The following GALNT13 variants were observed in gnomAD, a reference collection of about 807,000 sequenced individuals.
GALNT13 encodes the protein UDP-GalNAc:polypeptide N-acetylgalactosaminyltransferase 13.
Under a neutral mutation model 64.2 loss-of-function variants are expected in GALNT13, and 28 were observed. The observed-to-expected ratio is 0.44, with a 90% CI of 0.32 to 0.60. GALNT13 has a LOEUF of 0.60. GALNT13 is among the 20% of genes least tolerant of loss of function. GALNT13 has a pLI of 0.05. For missense variants in GALNT13, 577 were observed against 669.8 expected, an observed-to-expected ratio of 0.86 and a Z score of 1.53; for synonymous variants, 214 against 224.6, an observed-to-expected ratio of 0.95 and a Z score of 0.42.
At chr2:153,316,730 C>G in the GALNT13 span, among the ~76,000 whole-genome samples, 2 of 149,912 alleles carry the variant, frequency 1.3e-5, no homozygotes, top group African/African-American at 2.4e-5. Context: ...ATACCAAATA[C>G]TTACCTGTAG....
chr2:154,236,433 C>G (rs1166624694), intron 4 of GALNT13, among the ~76,000 whole-genome samples: 1 of 152,002 alleles, frequency 6.6e-6, no homozygotes, highest in Non-Finnish European at 1.5e-5. Context: ...GCTCTCACAC[C>G]TATAGTTTTT....
the GALNT13 span, among the ~76,000 whole-genome samples, chr2:153,074,259 T>G: frequency 1.1e-4 from 17 of 152,266 alleles, no homozygotes; most frequent in African/African-American, 3.9e-4. Context: ...TGAGATACAT[T>G]TATGTACTCT....
At chr2:153,773,015 T>G in the GALNT13 span, among the ~76,000 whole-genome samples, 1 of 152,356 alleles carries the variant, frequency 6.6e-6, no homozygotes, top group East Asian at 1.9e-4. Flanking sequence ...TGCCTTTGAC[T>G]GGGCCAGGCC....
At chr2:153,525,809 G>A in the GALNT13 span, among the ~76,000 whole-genome samples, 1 of 152,182 alleles carries the variant, frequency 6.6e-6, no homozygotes, top group African/African-American at 2.4e-5. Flanking sequence ...CTGGACCAGA[G>A]AGGAGCCCAG....
the GALNT13 span, among the ~76,000 whole-genome samples, chr2:153,611,679 CTT>C: frequency 2.4e-3 from 251 of 104,372 alleles, 5 homozygotes; most frequent in Admixed American, 0.017. Flanking sequence ...ACATTTTTAC[CTT>C]TTTTTTTTTT....
chr2:154,030,469 A>G (rs994967914), intron 3 of GALNT13, among the ~76,000 whole-genome samples: 6 of 152,138 alleles, frequency 3.9e-5, no homozygotes, highest in South Asian at 2.1e-4. Context: ...TTGACATATA[A>G]AAATGGGGAG....
At chr2:153,242,289 A>G in the GALNT13 span, among the ~76,000 whole-genome samples, 2 of 152,116 alleles carry the variant, frequency 1.3e-5, no homozygotes, top group African/African-American at 4.8e-5. Flanking sequence ...CTTCCCACCC[A>G]CACCCATCAT....
the GALNT13 span, among the ~76,000 whole-genome samples, chr2:153,261,086 T>C: frequency 3.9e-5 from 6 of 152,210 alleles, no homozygotes; most frequent in Non-Finnish European, 8.8e-5. Context: ...ATTTATCTGA[T>C]AGTATTCTGA....
At chr2:153,427,001 C>T in the GALNT13 span, among the ~76,000 whole-genome samples, 1 of 151,378 alleles carries the variant, frequency 6.6e-6, no homozygotes, top group African/African-American at 2.4e-5. Flanking sequence ...CTCATTTTTG[C>T]AGAATTTAAA....
At chr2:153,754,559 T>C in the GALNT13 span, among the ~76,000 whole-genome samples, 80 of 152,152 alleles carry the variant, frequency 5.3e-4, no homozygotes, top group Non-Finnish European at 9.7e-4. Flanking sequence ...GTATCCAAAG[T>C]GCAAGACAGT....
the GALNT13 span, among the ~76,000 whole-genome samples, chr2:153,719,712 A>G: frequency 2.6e-5 from 4 of 152,012 alleles, no homozygotes; most frequent in African/African-American, 9.7e-5. Context: ...ACGCACCTGG[A>G]AAATCGGGTC....
chr2:153,377,670 T>C, the GALNT13 span, among the ~76,000 whole-genome samples: 1 of 152,262 alleles, frequency 6.6e-6, no homozygotes, highest in Non-Finnish European at 1.5e-5. Flanking sequence ...TCATGCTTCT[T>C]GTACAGCTTG....
chr2:153,119,345 C>A, the GALNT13 span, among the ~76,000 whole-genome samples: 1 of 151,984 alleles, frequency 6.6e-6, no homozygotes, highest in Non-Finnish European at 1.5e-5. Context: ...TAGCCCAATA[C>A]TAGAACCCTA....
chr2:154,407,233 A>T, intron 10 of GALNT13, among the ~76,000 whole-genome samples: 1 of 152,154 alleles, frequency 6.6e-6, no homozygotes, highest in East Asian at 1.9e-4. Flanking sequence ...TACATCTAAA[A>T]ATGAATTCGT....
intron 11 of GALNT13, among the ~76,000 whole-genome samples, chr2:154,419,812 T>G (rs1700174375): frequency 6.6e-6 from 1 of 152,104 alleles, no homozygotes; most frequent in Non-Finnish European, 1.5e-5. Flanking sequence ...CAGACCAAAT[T>G]GGAGAAGACA....
the GALNT13 span, among the ~76,000 whole-genome samples, chr2:153,282,086 A>G: frequency 6.6e-6 from 1 of 151,996 alleles, no homozygotes; most frequent in East Asian, 1.9e-4. Flanking sequence ...TTTCTCAAAT[A>G]GTTTCTTCAT....
At chr2:154,433,529 G>A (rs1401147707) in intron 11 of GALNT13, among the ~76,000 whole-genome samples, 1 of 152,032 alleles carries the variant, frequency 6.6e-6, no homozygotes, top group Admixed American at 6.6e-5. Context: ...AGCAGACTGG[G>A]TGAATTTAGG....
At chr2:153,351,261 A>G in the GALNT13 span, among the ~76,000 whole-genome samples, 1 of 152,176 alleles carries the variant, frequency 6.6e-6, no homozygotes, top group Non-Finnish European at 1.5e-5. Context: ...GTGATTATGA[A>G]CTATACAATA....
chr2:153,801,772 C>G, the GALNT13 span, among the ~76,000 whole-genome samples: 1 of 152,094 alleles, frequency 6.6e-6, no homozygotes, highest in Admixed American at 6.5e-5. Flanking sequence ...CACAAACTGT[C>G]AATTTATGAA....
Sources: allele counts gnomAD v4.1 joint callset (sites outside exome capture counted in the v4.1 genomes callset), GRCh38; gene constraint gnomAD v4.1.1; transcripts MANE v1.5; gene names NCBI Gene and HGNC (gene_info 2026-07-23, HGNC 2026-07-21).